ASPH: variants seen among roughly 807,000 people sequenced by gnomAD.
ASPH encodes the protein aspartyl/asparaginyl beta-hydroxylase.
ASPH carries 100 observed loss-of-function variants against 118.4 expected under a neutral mutation model. The ratio of observed to expected loss-of-function variants is 0.84; its 90% CI spans 0.72 to 1.00. ASPH has a LOEUF of 1.00. Ranked by LOEUF, ASPH falls within the 50% of genes least tolerant of loss-of-function variation. ASPH has a pLI of 0.00. For missense variants in ASPH, 920 were observed against 919.5 expected (o/e 1.00, Z -0.01); for synonymous variants, 315 against 325.6 (o/e 0.97, Z 0.35).
intron 21 of ASPH, among the ~76,000 whole-genome samples, chr8:61,544,825 T>C (rs905271204): frequency 1.3e-5 from 2 of 152,184 alleles, no homozygotes; most frequent in Admixed American, 1.3e-4. Flanking sequence ...CTTTAGAATA[T>C]AGTGTGCTAT....
At position 61,675,281 on chromosome 8, in the gene ASPH, T is replaced by C. The variant is rs138684367; in HGVS notation, c.322+5687A>G. ...TTATTTAGGATGAATAATTTTAATA[T>C]GTACAACATTAAGATACATATTCAC... On this transcript the variant is annotated intron_variant, in intron 3 of 24. Coordinates refer to ENST00000379454, the MANE Select transcript of ASPH (RefSeq NM_004318.4). The C allele has an allele frequency of 5.6e-3, 5,066 of 899,710 alleles. 16 individuals carry two copies. The highest frequency in any genetic ancestry group is 6.2e-3 in the Non-Finnish European group (4,682 of 751,972). 55.7% of individuals were successfully genotyped at this position (899,710 alleles called of 1,614,324 possible).
At chr8:61,643,457 G>C (rs1420037024) in intron 8 of ASPH, 24 bp from the exon 9 acceptor site, 4 of 1,598,260 alleles carry the variant, frequency 2.5e-6, no homozygotes, top group Non-Finnish European at 3.4e-6. Context: ...ACACACCTTT[G>C]CCAAACAGGA....
chr8:61,618,370 T>A (rs1006830052), intron 14 of ASPH, among the ~76,000 whole-genome samples: 2 of 152,220 alleles, frequency 1.3e-5, no homozygotes, highest in Non-Finnish European at 1.5e-5. Context: ...TCTATGATCA[T>A]CCATATAATT....
intron 11 of ASPH, 100 bp downstream of exon 11, chr8:61,638,222 C>A (rs1245044757): frequency 2.8e-6 from 4 of 1,427,548 alleles, no homozygotes; most frequent in Non-Finnish European, 9.6e-7. Context: ...AAATGTCTTG[C>A]ATTTTTTCTA....
intron 1 of ASPH, among the ~76,000 whole-genome samples, chr8:61,713,497 G>A (rs1393257699): frequency 6.6e-6 from 1 of 152,146 alleles, no homozygotes; most frequent in African/African-American, 2.4e-5. Flanking sequence ...GTGTATTGCA[G>A]TTTCAATATC....
At chr8:61,553,601 A>AT (rs35343441) in intron 19 of ASPH, among the ~76,000 whole-genome samples, 20 of 131,090 alleles carry the variant, frequency 1.5e-4, no homozygotes, top group African/African-American at 3.3e-4. Flanking sequence ...CCTTTTAATG[A>AT]TTTTTTTTTT....
Position 61,502,330 on chromosome 8 carries a change from TA to T in ASPH, c.*1028del, listed in dbSNP as rs1805077714. The stretch of plus-strand genomic sequence containing the variant: ...TGGTAACCTTTTACTCTGCCATCCT[TA>T]ATCTTTCTACAGAATTGTAGCAGAA... On this transcript the variant is annotated 3_prime_UTR_variant, in exon 25 of 25. Transcript: ENST00000379454. The T allele has an allele frequency of 1.3e-5, 2 of 152,168 alleles. No individual in the cohort carries two copies. The highest frequency in any genetic ancestry group is 2.9e-5 in the Non-Finnish European group (2 of 68,040). The allele number at this position is 152,168 out of a possible 1,614,324, so 9.4% of individuals were successfully genotyped here.
At chr8:61,585,509 C>T (rs1340211315) in intron 14 of ASPH, among the ~76,000 whole-genome samples, 1 of 152,204 alleles carries the variant, frequency 6.6e-6, no homozygotes, top group Non-Finnish European at 1.5e-5. Context: ...TTTCTAAGGT[C>T]CCCTCTCCGC....
At chr8:61,552,319 T>G (rs1194973595) in intron 20 of ASPH, among the ~76,000 whole-genome samples, 1 of 152,240 alleles carries the variant, frequency 6.6e-6, no homozygotes, top group Non-Finnish European at 1.5e-5. Flanking sequence ...ATTTATAGCA[T>G]GCGATGTCAT....
rs183476456 is a variant in ASPH at position 61,620,232 on chromosome 8, C to T, written c.935-1213G>A. Among the ~76,000 whole-genome samples, 29 of 152,282 alleles carry T rather than the reference C, an allele frequency of 1.9e-4. No individual in the cohort carries two copies. The East Asian group carries it at 5.4e-3, about 28-fold the overall frequency. ...CATCATTTATGAATTCTCTTGTCTT[C>T]TCACACCCTGTGGAGAAGGTCTTAC... On this transcript the variant is annotated intron_variant, in intron 13 of 24. Transcript: ENST00000379454.
intron 14 of ASPH, among the ~76,000 whole-genome samples, chr8:61,588,043 A>G (rs902439772): frequency 1.3e-5 from 2 of 152,176 alleles, no homozygotes; most frequent in African/African-American, 2.4e-5. Flanking sequence ...AATTTTCAGT[A>G]TTTAAATTAT....
At chr8:61,604,400 G>A (rs1418889394) in intron 14 of ASPH, among the ~76,000 whole-genome samples, 1 of 152,112 alleles carries the variant, frequency 6.6e-6, no homozygotes, top group African/African-American at 2.4e-5. Context: ...GGAAAATTTA[G>A]ATTTGAAAAT....
At chr8:61,563,195 TA>T (rs5891812) in intron 17 of ASPH, among the ~76,000 whole-genome samples, 2 of 149,636 alleles carry the variant, frequency 1.3e-5, no homozygotes, top group African/African-American at 2.4e-5. Context: ...AATTCCTCGT[TA>T]AAAAAAAAAG....
intron 21 of ASPH, among the ~76,000 whole-genome samples, chr8:61,547,196 A>G (rs1295956206): frequency 6.6e-6 from 1 of 152,224 alleles, no homozygotes; most frequent in African/African-American, 2.4e-5. Flanking sequence ...AGTCCCTACC[A>G]AAGTCACCAA....
At chr8:61,645,932 C>T (rs1426367280) in intron 6 of ASPH, among the ~76,000 whole-genome samples, 1 of 152,214 alleles carries the variant, frequency 6.6e-6, no homozygotes, top group Non-Finnish European at 1.5e-5. Flanking sequence ...TGCCTGCAAT[C>T]CCAACACTTT....
intron 14 of ASPH, among the ~76,000 whole-genome samples, chr8:61,590,509 C>G (rs1340423031): frequency 6.6e-6 from 1 of 151,474 alleles, no homozygotes; most frequent in Admixed American, 6.6e-5. Flanking sequence ...GCTTCTGATA[C>G]AATTTTGTAT....
intron 21 of ASPH, 120 bp from the exon 22 acceptor site, chr8:61,526,232 T>G: frequency 1.5e-6 from 2 of 1,309,276 alleles, no homozygotes; most frequent in Non-Finnish European, 2.1e-6. Flanking sequence ...CTTATCTAGA[T>G]TGCTTATATT....
chr8:61,512,596 T>C (rs1245189221), intron 24 of ASPH, among the ~76,000 whole-genome samples: 2 of 152,204 alleles, frequency 1.3e-5, no homozygotes, highest in African/African-American at 4.8e-5. Context: ...TCATTCAGTT[T>C]GTGATAATTT....
intron 24 of ASPH, among the ~76,000 whole-genome samples, chr8:61,505,090 G>A (rs1805933987): frequency 6.6e-6 from 1 of 152,180 alleles, no homozygotes; most frequent in South Asian, 2.1e-4. Flanking sequence ...CATGGGGGCA[G>A]CTTCCCCCAT....
Sources: allele counts gnomAD v4.1 joint callset (sites outside exome capture counted in the v4.1 genomes callset), GRCh38; gene constraint gnomAD v4.1.1; transcripts MANE v1.5; gene names NCBI Gene and HGNC (gene_info 2026-07-23, HGNC 2026-07-21).